Variants in KCNH8 observed in about 807,000 individuals in gnomAD.
The protein encoded by KCNH8 is voltage-gated delayed rectifier potassium channel KCNH8.
In KCNH8, 70 loss-of-function variants were observed where a neutral mutation model predicts 103.6. The ratio of observed to expected loss-of-function variants is 0.68; its 90% CI spans 0.56 to 0.82. KCNH8 has a LOEUF of 0.82. KCNH8 is among the 40% of genes least tolerant of loss of function. The probability of loss-of-function intolerance (pLI) is 0.00; values close to 1 mark genes in which losing one functional copy is unlikely to be tolerated. For synonymous variants in KCNH8, 498 were observed against 489.4 expected (o/e 1.02, Z -0.23); for missense variants, 1,217 against 1,329.9 (o/e 0.92, Z 1.32).
Position 19,357,638 on chromosome 3 carries a change from C to T in KCNH8, c.811+9673C>T, listed in dbSNP as rs549176812. On this transcript the variant is annotated intron_variant, in intron 5 of 15. Transcript: ENST00000328405. ...GTGATTTGCACATTCTTACTATCTA[C>T]TATTATAACCACAAAGACTGAGAGT... 7.9e-5 allele frequency among the ~76,000 whole-genome samples: 12 copies of T among 152,032 alleles called. No individual in the cohort carries two copies. The East Asian group carries it at 2.3e-3, about 29-fold the overall frequency.
At chr3:19,338,064 T>A (rs1197211456) in intron 3 of KCNH8, among the ~76,000 whole-genome samples, 1 of 152,048 alleles carries the variant, frequency 6.6e-6, no homozygotes, top group Non-Finnish European at 1.5e-5. Flanking sequence ...ATTCTAGGCT[T>A]TGAAAAATAA....
At position 19,341,125 on chromosome 3, in the gene KCNH8, A is replaced by G. The variant is rs563926953; in HGVS notation, c.443-1462A>G. 1.5e-4 allele frequency among the ~76,000 whole-genome samples: 23 copies of G among 152,196 alleles called. No individual in the cohort carries two copies. The East Asian group carries it at 3.9e-3, about 26-fold the overall frequency. On this transcript the variant is annotated intron_variant, in intron 3 of 15. Coordinates refer to ENST00000328405, the MANE Select transcript of KCNH8 (RefSeq NM_144633.3). ...CTGTCCACGTGCACAGTGGCCTGACAGCACTAGGGAGGGGCTGCATGCACA... is the reference window on the plus strand; with the variant it reads ...CTGTCCACGTGCACAGTGGCCTGACGGCACTAGGGAGGGGCTGCATGCACA...
chr3:19,219,552 TA>T (rs1210189969), intron 1 of KCNH8, among the ~76,000 whole-genome samples: 5 of 152,184 alleles, frequency 3.3e-5, no homozygotes, highest in African/African-American at 1.2e-4. Context: ...CCCTTTAATA[TA>T]TTGGAGTAAG....
In KCNH8 at chr3:19,510,419, C is replaced by A; in HGVS notation, c.2079+18C>A. 6.8e-7 allele frequency: 1 copy of A among 1,468,662 alleles called. No individual in the cohort carries two copies. The highest frequency in any genetic ancestry group is 9.5e-7 in the Non-Finnish European group (1 of 1,047,628). 91.0% of individuals were successfully genotyped at this position (1,468,662 alleles called of 1,614,324 possible). A position where few individuals can be genotyped will look rare whatever the true frequency, so the allele number is the denominator to read the frequency against. ...TCTCACAGGTATGGCTTTTGCTACA[C>A]AGCAAAATATTTATCTAAAATCTGG... On this transcript the variant is annotated intron_variant, in intron 12 of 15. Transcript: ENST00000328405.
intron 2 of KCNH8, among the ~76,000 whole-genome samples, chr3:19,258,947 C>CTATATATATATA (rs71055060): frequency 2.2e-3 from 54 of 24,784 alleles, no homozygotes; most frequent in Non-Finnish European, 2.7e-3. Flanking sequence ...CTCTCTCTCT[C>CTATATATATATA]TATATATATA....
At chr3:19,483,749 T>C (rs2068139621) in intron 11 of KCNH8, among the ~76,000 whole-genome samples, 1 of 152,248 alleles carries the variant, frequency 6.6e-6, no homozygotes, top group African/African-American at 2.4e-5. Context: ...TACTCAAGGA[T>C]CCAGTCTGGC....
chr3:19,259,162 G>A (rs1217232625), intron 2 of KCNH8, among the ~76,000 whole-genome samples: 1 of 150,984 alleles, frequency 6.6e-6, no homozygotes, highest in Non-Finnish European at 1.5e-5. Flanking sequence ...TGCCATTTCT[G>A]TGTGTATACC....
chr3:19,432,437 G>A (rs957324271), intron 7 of KCNH8, among the ~76,000 whole-genome samples: 3 of 152,132 alleles, frequency 2.0e-5, no homozygotes, highest in Non-Finnish European at 1.5e-5. Flanking sequence ...AAAAAGAGAG[G>A]ACAATAAGGA....
At chr3:19,375,582 G>T (rs1320291298) in intron 5 of KCNH8, among the ~76,000 whole-genome samples, 1 of 151,014 alleles carries the variant, frequency 6.6e-6, no homozygotes, top group Non-Finnish European at 1.5e-5. Flanking sequence ...TAATTTGATC[G>T]TCTGAAGCCT....
chr3:19,320,835 T>A (rs936300246), intron 3 of KCNH8, among the ~76,000 whole-genome samples: 3 of 151,884 alleles, frequency 2.0e-5, no homozygotes, highest in Non-Finnish European at 4.4e-5. Context: ...TTGGTAACTT[T>A]AAAATTACCG....
At chr3:19,511,739 G>A (rs1283179317) in intron 12 of KCNH8, among the ~76,000 whole-genome samples, 1 of 152,116 alleles carries the variant, frequency 6.6e-6, no homozygotes, top group Non-Finnish European at 1.5e-5. Context: ...TTGGAAAGAT[G>A]AGTCTAAGAA....
intron 1 of KCNH8, among the ~76,000 whole-genome samples, chr3:19,197,268 C>A (rs2063611574): frequency 6.6e-6 from 1 of 152,036 alleles, no homozygotes; most frequent in South Asian, 2.1e-4. Flanking sequence ...TATTATCTCA[C>A]AAGCAACACA....
intron 11 of KCNH8, among the ~76,000 whole-genome samples, chr3:19,507,296 A>T (rs2068711368): frequency 6.6e-6 from 1 of 152,126 alleles, no homozygotes; most frequent in Non-Finnish European, 1.5e-5. Flanking sequence ...GAGGCTGTTG[A>T]TTGCCTCTGG....
chr3:19,453,778 C>T (rs909778658), intron 10 of KCNH8, among the ~76,000 whole-genome samples: 1 of 152,138 alleles, frequency 6.6e-6, no homozygotes, highest in African/African-American at 2.4e-5. Flanking sequence ...TTACCAAACA[C>T]CAGCCTGCAG....
chr3:19,500,193 C>G lies in KCNH8; in HGVS notation c.2041-10170C>G, dbSNP rs541339964. Among the ~76,000 whole-genome samples, 376 of 152,176 alleles carry G rather than the reference C, an allele frequency of 2.5e-3. 4 individuals carry two copies. The highest frequency in any genetic ancestry group is 6.2e-3 in the East Asian group (32 of 5,168). On this transcript the variant is annotated intron_variant, in intron 11 of 15. Transcript: ENST00000328405. The stretch of plus-strand genomic sequence containing the variant: ...AACAAAGATCAAAAGAGACAAAGAA[C>G]GCCATTACTTAATGGTAAAGGGATC...
At chr3:19,488,121 CATCTTT>C (rs1367983434) in intron 11 of KCNH8, among the ~76,000 whole-genome samples, 1 of 152,200 alleles carries the variant, frequency 6.6e-6, no homozygotes, top group African/African-American at 2.4e-5. Flanking sequence ...AAAGCTCTCT[CATCTTT>C]ATCTAAGGTC....
chr3:19,460,324 A>T (rs2125191782), intron 11 of KCNH8, among the ~76,000 whole-genome samples: 1 of 152,026 alleles, frequency 6.6e-6, no homozygotes, highest in East Asian at 1.9e-4. Context: ...CCCCAACACC[A>T]CGTGACTGCT....
chr3:19,179,154 A>C (rs532222392), intron 1 of KCNH8, among the ~76,000 whole-genome samples: 1 of 152,238 alleles, frequency 6.6e-6, no homozygotes, highest in Non-Finnish European at 1.5e-5. Context: ...CTGGTAAATT[A>C]CTGTTTTTGT....
intron 4 of KCNH8, among the ~76,000 whole-genome samples, chr3:19,345,134 T>G (rs934147926): frequency 3.9e-5 from 6 of 152,136 alleles, no homozygotes; most frequent in African/African-American, 1.2e-4. Flanking sequence ...GTTTTCAAAT[T>G]CTGCCTTCCT....
Sources: allele counts gnomAD v4.1 joint callset (sites outside exome capture counted in the v4.1 genomes callset), GRCh38; gene constraint gnomAD v4.1.1; transcripts MANE v1.5; gene names NCBI Gene and HGNC (gene_info 2026-07-23, HGNC 2026-07-21).